Variants in SIDT1 observed in about 807,000 individuals in gnomAD.
The protein encoded by SIDT1 is SID1 transmembrane family member 1.
A neutral mutation model predicts 107.5 loss-of-function variants in SIDT1; 101 were observed. The observed-to-expected ratio is 0.94, with a 90% confidence interval of 0.80 to 1.11. The LOEUF is 1.11. SIDT1 is among the 50% of genes least tolerant of loss of function. The probability of loss-of-function intolerance (pLI) is 0.00; values close to 1 mark genes in which losing one functional copy is unlikely to be tolerated. For synonymous variants in SIDT1, 395 were observed against 398.2 expected, an observed-to-expected ratio of 0.99 and a Z score of 0.10; for missense variants, 1,076 against 1,058.2, an observed-to-expected ratio of 1.02 and a Z score of -0.23.
At chr3:113,539,784 C>A (rs1181573338) in intron 1 of SIDT1, among the ~76,000 whole-genome samples, 2 of 151,996 alleles carry the variant, frequency 1.3e-5, no homozygotes, top group South Asian at 2.1e-4. Context: ...GGGTGGATCA[C>A]CTGAGGTCAT....
chr3:113,635,096 C>T, the SIDT1 span, among the ~76,000 whole-genome samples: 3 of 152,196 alleles, frequency 2.0e-5, no homozygotes, highest in Admixed American at 6.5e-5. Flanking sequence ...TAAATTAAAA[C>T]GTGCAGCATA....
At chr3:113,555,360 AGTGCTAT>A (rs1940729928) in intron 1 of SIDT1, among the ~76,000 whole-genome samples, 1 of 152,234 alleles carries the variant, frequency 6.6e-6, no homozygotes, top group Admixed American at 6.5e-5. Context: ...CAAAGAGAAG[AGTGCTAT>A]GTCTACACTG....
chr3:113,619,891 C>A, intron 21 of SIDT1, 165 bp downstream of exon 21: 2 of 629,706 alleles, frequency 3.2e-6, no homozygotes, highest in Non-Finnish European at 5.7e-6. Context: ...TCTCGTGTAG[C>A]AATTGTAGCC....
intron 1 of SIDT1, among the ~76,000 whole-genome samples, chr3:113,546,171 A>T (rs1271649961): frequency 2.0e-5 from 3 of 152,084 alleles, no homozygotes; most frequent in Non-Finnish European, 2.9e-5. Flanking sequence ...TATTTTCCCC[A>T]CTGATAAGAT....
chr3:113,608,145 C>T lies in SIDT1; in HGVS notation c.1530C>T (p.Leu510=). ...TGGGCCACGTGCTTCTGGGCTTCCT[C>T]TTCCTGCTGATAGTCTTGCGCCGCG... ...SNLGHVLLGF[L]FLLIVLRRDI... is the part of the protein sequence containing the mutation. The change falls in exon 16 of 25, where the codon CTC becomes CTT. Residue 510 remains leucine (L), a synonymous_variant. Coordinates refer to ENST00000264852, the MANE Select transcript of SIDT1 (RefSeq NM_017699.3). 2 of 1,612,928 alleles carry T rather than the reference C, an allele frequency of 1.2e-6. No individual in the cohort carries two copies. Among genetic ancestry groups the T allele is most frequent in the Non-Finnish European group, 1.7e-6 (2 of 1,179,532 alleles).
chr3:113,581,540 A>T, intron 6 of SIDT1, 96 bp downstream of exon 6: 1 of 986,402 alleles, frequency 1.0e-6, no homozygotes, highest in East Asian at 2.4e-5. Context: ...GCCATCCATG[A>T]TGTGCCTAGG....
intron 4 of SIDT1, among the ~76,000 whole-genome samples, chr3:113,579,539 T>A (rs981846527): frequency 5.9e-5 from 9 of 152,198 alleles, no homozygotes; most frequent in South Asian, 2.1e-4. Flanking sequence ...TGTTATAAGA[T>A]GTGAATAGAC....
chr3:113,631,963 G>T (rs1412915349), downstream of SIDT1, among the ~76,000 whole-genome samples: 1 of 152,166 alleles, frequency 6.6e-6, no homozygotes, highest in Non-Finnish European at 1.5e-5. Context: ...TCTGAAAATT[G>T]TTTAAATTCC....
In SIDT1 at chr3:113,541,225, A is replaced by G. The variant is rs528314426; in HGVS notation, c.222+7982A>G. Among the ~76,000 whole-genome samples the G allele has an allele frequency of 3.3e-3, 496 of 152,122 alleles. 4 individuals are homozygous for G. Among genetic ancestry groups the G allele is most frequent in the Non-Finnish European group, 5.8e-3 (395 of 67,998 alleles). On this transcript the variant is annotated intron_variant, in intron 1 of 24. Transcript: ENST00000264852. ...CTCTCTGTCACCCAGGCTGGAGTGC[A>G]ATGGTATGATCTCTGCTCACTGCAA... is the stretch of plus-strand genomic sequence containing the variant.
In SIDT1 at chr3:113,627,932, T is replaced by C. The variant is rs1946961095; in HGVS notation, c.*224T>C. On this transcript the variant is annotated 3_prime_UTR_variant, in exon 25 of 25. Transcript: ENST00000264852. ...GAGGACAGACGCAAACCTGAGGAGC[T>C]GAGAAACACTTGCTCCTTCCATCTG... The C allele has an allele frequency of 1.8e-5, 10 of 559,840 alleles. No homozygotes were observed. The Admixed American group carries it at 3.2e-4, about 18-fold the overall frequency. 34.7% of individuals were successfully genotyped at this position (559,840 alleles called of 1,614,324 possible). A position where few individuals can be genotyped will look rare whatever the true frequency, so the allele number is the denominator to read the frequency against.
Position 113,580,661 on chromosome 3 carries a change from G to T in SIDT1, c.615G>T (p.Val205=). 1 of 1,613,626 alleles carries T rather than the reference G, an allele frequency of 6.2e-7. No individual in the cohort carries two copies. Among genetic ancestry groups the T allele is most frequent in the Non-Finnish European group, 8.5e-7 (1 of 1,179,620 alleles). Residue 205 remains valine (V), a synonymous_variant, in exon 5 of 25, where the codon GTG becomes GTT. Coordinates refer to ENST00000264852, the MANE Select transcript of SIDT1 (RefSeq NM_017699.3). The part of the protein sequence containing the change: ...KDVDSVIIKV[V]SEMAYPCSVV... ...TGGACTCAGTTATCATTAAAGTGGT[G>T]TCTGAAATGGCTTATCCATGTTCTG...
In SIDT1 at chr3:113,580,706, C is replaced by T; in HGVS notation, c.660C>T (p.Ile220=). 6.3e-7 allele frequency: 1 copy of T among 1,598,312 alleles called. No individual in the cohort carries two copies. The highest frequency in any genetic ancestry group is 8.6e-7 in the Non-Finnish European group (1 of 1,165,754). The change falls in exon 5 of 25, where the codon ATC becomes ATT. Residue 220 remains isoleucine (I), a synonymous_variant. Transcript: ENST00000264852. The stretch of plus-strand genomic sequence containing the variant: ...GTTCTGTTGTCTCAGTCCAGAATAT[C>T]ATGGTGAGTGCTGATAACTTGCCAA... The part of the protein sequence containing the change: ...YPCSVVSVQN[I]MCPVYDLDHN...
chr3:113,585,367 C>T (rs1280270106), intron 9 of SIDT1, 97 bp downstream of exon 9: 2 of 890,582 alleles, frequency 2.2e-6, no homozygotes, highest in South Asian at 2.8e-5. Flanking sequence ...GGCTTCAAAT[C>T]TCCCTCAGCC....
chr3:113,569,375 A>T (rs1163905392), intron 3 of SIDT1, among the ~76,000 whole-genome samples: 3 of 152,220 alleles, frequency 2.0e-5, no homozygotes, highest in Non-Finnish European at 4.4e-5. Context: ...TAAAAAGTTA[A>T]TTTTTTAAAA....
At position 113,541,000 on chromosome 3, in the gene SIDT1, T is replaced by C. The variant is rs184993568; in HGVS notation, c.222+7757T>C. ...AAAGTAATGAACTTATTCTATCAGATATTCTCTCCATTCATCCTCCATTTT... is the reference window on the plus strand; with the variant it reads ...AAAGTAATGAACTTATTCTATCAGACATTCTCTCCATTCATCCTCCATTTT... On this transcript the variant is annotated intron_variant, in intron 1 of 24. Coordinates refer to ENST00000264852, the MANE Select transcript of SIDT1 (RefSeq NM_017699.3). Among the ~76,000 whole-genome samples the C allele has an allele frequency of 1.2e-3, 183 of 152,292 alleles. 3 individuals are homozygous for C. The highest frequency in any genetic ancestry group is 0.011 in the Admixed American group (165 of 15,288).
chr3:113,609,400 T>C (rs1375686602), intron 17 of SIDT1, among the ~76,000 whole-genome samples: 1 of 152,040 alleles, frequency 6.6e-6, no homozygotes, highest in East Asian at 1.9e-4. Context: ...CTCTAAGCGC[T>C]GGTTAGCTCA....
intron 3 of SIDT1, among the ~76,000 whole-genome samples, chr3:113,568,626 GA>G (rs1248446060): frequency 7.2e-6 from 1 of 138,624 alleles, no homozygotes; most frequent in Middle Eastern, 3.5e-3. Context: ...GAAAAGAAAA[GA>G]AAAAAAACAG....
chr3:113,562,521 T>C (rs1169859072), intron 1 of SIDT1, among the ~76,000 whole-genome samples: 2 of 152,226 alleles, frequency 1.3e-5, no homozygotes, highest in Non-Finnish European at 2.9e-5. Context: ...GCATGCAATG[T>C]AATATTATTT....
intron 9 of SIDT1, chr3:113,588,812 T>TAAAAAAAAAA (rs57043380): frequency 7.1e-6 from 1 of 140,200 alleles, no homozygotes. Flanking sequence ...AATGCTACAT[T>TAAAAAAAAAA]AAAAAAAAAA....
Sources: allele counts gnomAD v4.1 joint callset (sites outside exome capture counted in the v4.1 genomes callset), GRCh38; gene constraint gnomAD v4.1.1; transcripts MANE v1.5; gene names NCBI Gene and HGNC (gene_info 2026-07-23, HGNC 2026-07-21).